Variants in LSM8 observed in about 807,000 individuals in gnomAD.
LSM8 encodes the protein LSM8 U6 small nuclear RNA associated.
In LSM8, 14 loss-of-function variants were observed where a neutral mutation model predicts 15.0. The ratio of observed to expected loss-of-function variants is 0.93; its 90% confidence interval spans 0.62 to 1.46. The LOEUF is 1.46. Ranked by LOEUF, LSM8 falls within the 40% of genes most tolerant of loss-of-function variation. The pLI is 0.00. For synonymous variants in LSM8, 50 were observed against 42.1 expected, an observed-to-expected ratio of 1.19 and a Z score of -0.73; for missense variants, 90 against 115.4, an observed-to-expected ratio of 0.78 and a Z score of 1.01.
chr7:118,196,013 G>T lies in LSM8; in HGVS notation c.*4011G>T, dbSNP rs1402747584. ...GCTTTGATGTGATCTTCATTCCTCT[G>T]TATAGTGGGAAACCATGAGACGTGC... On this transcript the variant is annotated 3_prime_UTR_variant, in exon 4 of 4. Coordinates refer to ENST00000249299, the MANE Select transcript of LSM8 (RefSeq NM_016200.5). 6.6e-6 allele frequency among the ~76,000 whole-genome samples: 1 copy of T among 152,152 alleles called. No homozygotes were observed. Among genetic ancestry groups the T allele is most frequent in the East Asian group, 1.9e-4 (1 of 5,202 alleles).
Position 118,192,731 on chromosome 7 carries a change from TGTA to T in LSM8, c.*732_*734del, listed in dbSNP as rs1301983381. 6.6e-6 allele frequency: 1 copy of T among 152,182 alleles called. No individual in the cohort carries two copies. Among genetic ancestry groups the T allele is most frequent in the Non-Finnish European group, 1.5e-5 (1 of 67,996 alleles). 9.4% of individuals were successfully genotyped at this position (152,182 alleles called of 1,614,324 possible). A position where few individuals can be genotyped will look rare whatever the true frequency, so the allele number is the denominator to read the frequency against. On this transcript the variant is annotated 3_prime_UTR_variant, in exon 4 of 4. Coordinates refer to ENST00000249299, the MANE Select transcript of LSM8 (RefSeq NM_016200.5). ...GTATATTTGAAAAAAATTGATTCCA[TGTA>T]GTCTTCAATTTTTAATTTTTAAGAA...
In LSM8 at chr7:118,198,000, A is replaced by G. The variant is rs1247232445; in HGVS notation, c.*5998A>G. On this transcript the variant is annotated 3_prime_UTR_variant, in exon 4 of 4. Coordinates refer to ENST00000249299, the MANE Select transcript of LSM8 (RefSeq NM_016200.5). ...AAATTATTTATTGTGGCCTAGGAAA[A>G]GTACTAAGAAGTAATTGATAGCATT... Among the ~76,000 whole-genome samples the G allele has an allele frequency of 6.6e-6, 1 of 152,188 alleles. No individual in the cohort carries two copies. The highest frequency in any genetic ancestry group is 6.5e-5 in the Admixed American group (1 of 15,270).
At position 118,201,318 on chromosome 7, in the gene LSM8, T is replaced by C. The variant is rs1297755159; in HGVS notation, c.*9316T>C. 2.0e-5 allele frequency among the ~76,000 whole-genome samples: 3 copies of C among 151,980 alleles called. No homozygotes were observed. Among genetic ancestry groups the C allele is most frequent in the Non-Finnish European group, 4.4e-5 (3 of 67,970 alleles). On this transcript the variant is annotated 3_prime_UTR_variant, in exon 4 of 4. Transcript: ENST00000249299. Reference sequence around the variant, plus strand: ...GAGCCTGGAGCTGCCATGGAGCATGTAGAGAGAGTCTCCTAGTTGATACCA... The same window carrying C: ...GAGCCTGGAGCTGCCATGGAGCATGCAGAGAGAGTCTCCTAGTTGATACCA...
In LSM8 at chr7:118,188,367, A is replaced by G; in HGVS notation, c.162A>G (p.Gln54=). 1 of 1,613,298 alleles carries G rather than the reference A, an allele frequency of 6.2e-7. No individual in the cohort carries two copies. Among genetic ancestry groups the G allele is most frequent in the East Asian group, 2.2e-5 (1 of 44,848 alleles). Residue 54 remains glutamine (Q), a synonymous_variant, in exon 3 of 4, where the codon CAA becomes CAG. Coordinates refer to ENST00000249299, the MANE Select transcript of LSM8 (RefSeq NM_016200.5). The part of the protein sequence containing the change: ...RVFSSSQGVE[Q]VVLGLYIVRG... ...TCAGCTCTTCACAGGGGGTAGAACA[A>G]GTGGTACTAGGATTATACATTGTAA...
chr7:118,184,352 C>T (rs1384657576), intron 1 of LSM8, 98 bp downstream of exon 1: 2 of 1,337,360 alleles, frequency 1.5e-6, no homozygotes, highest in African/African-American at 3.1e-5. Flanking sequence ...TCGGCGGGAT[C>T]CTGGGGGCGG....
rs1156667832 is a variant in LSM8 at position 118,193,989 on chromosome 7, A to G, written c.*1987A>G. On this transcript the variant is annotated 3_prime_UTR_variant, in exon 4 of 4. Transcript: ENST00000249299. ...AATGTGAATTATTGTTTTTATGAATAGTTACAGAGGATGTGATGACAATAT... is the reference window on the plus strand; with the variant it reads ...AATGTGAATTATTGTTTTTATGAATGGTTACAGAGGATGTGATGACAATAT... Among the ~76,000 whole-genome samples the G allele has an allele frequency of 1.3e-5, 2 of 152,158 alleles. No individual in the cohort carries two copies. Among genetic ancestry groups the G allele is most frequent in the Non-Finnish European group, 2.9e-5 (2 of 67,982 alleles).
At position 118,199,058 on chromosome 7, in the gene LSM8, T is replaced by C. The variant is rs1809126762; in HGVS notation, c.*7056T>C. Reference sequence around the variant, plus strand: ...CTAGGTGCTGTCTGTGCAGCTCCACTGGGAGAGGACATCTTGAAGTTTGTG... The same window carrying C: ...CTAGGTGCTGTCTGTGCAGCTCCACCGGGAGAGGACATCTTGAAGTTTGTG... On this transcript the variant is annotated 3_prime_UTR_variant, in exon 4 of 4. Coordinates refer to ENST00000249299, the MANE Select transcript of LSM8 (RefSeq NM_016200.5). 6.6e-6 allele frequency among the ~76,000 whole-genome samples: 1 copy of C among 152,190 alleles called. No individual in the cohort carries two copies.
At chr7:118,186,883 A>AT (rs143252969) in intron 2 of LSM8, among the ~76,000 whole-genome samples, 10,357 of 151,444 alleles carry the variant, frequency 0.068, 380 homozygotes, top group East Asian at 0.11. Flanking sequence ...AGATATTTGC[A>AT]TTTTTTTTTA....
At position 118,198,897 on chromosome 7, in the gene LSM8, G is replaced by A. The variant is rs1809124017; in HGVS notation, c.*6895G>A. 6.6e-6 allele frequency among the ~76,000 whole-genome samples: 1 copy of A among 152,180 alleles called. No individual in the cohort carries two copies. On this transcript the variant is annotated 3_prime_UTR_variant, in exon 4 of 4. Coordinates refer to ENST00000249299, the MANE Select transcript of LSM8 (RefSeq NM_016200.5). ...TGTTACAGTTTAAGCTCTGGGAAACGAGATTCAGGAGCTAAGGTCAGTTAT... is the reference window on the plus strand; with the variant it reads ...TGTTACAGTTTAAGCTCTGGGAAACAAGATTCAGGAGCTAAGGTCAGTTAT...
chr7:118,187,768 T>C (rs1378470498), intron 2 of LSM8, among the ~76,000 whole-genome samples: 2 of 152,250 alleles, frequency 1.3e-5, no homozygotes, highest in East Asian at 3.8e-4. Context: ...GAAATGGGGC[T>C]AATTATAGTA....
chr7:118,189,370 T>C (rs776656504), intron 3 of LSM8: 5 of 151,920 alleles, frequency 3.3e-5, no homozygotes, highest in Non-Finnish European at 5.9e-5. Flanking sequence ...TTGGCCAATG[T>C]GGTGAAACCG....
chr7:118,190,012 A>G (rs1808952625), intron 3 of LSM8: 1 of 152,242 alleles, frequency 6.6e-6, no homozygotes, highest in African/African-American at 2.4e-5. Flanking sequence ...TGAGTACTAC[A>G]CTGAATCAAA....
rs921527152 is a variant in LSM8, at chr7:118,192,708, A to G, written c.*706A>G. On this transcript the variant is annotated 3_prime_UTR_variant, in exon 4 of 4. Coordinates refer to ENST00000249299, the MANE Select transcript of LSM8 (RefSeq NM_016200.5). The stretch of plus-strand genomic sequence containing the variant: ...ATTAATGTTGAATTTTACAGACAGT[A>G]TATTTGAAAAAAATTGATTCCATGT... The G allele has an allele frequency of 7.9e-5, 12 of 152,146 alleles. No homozygotes were observed. The highest frequency in any genetic ancestry group is 2.4e-4 in the African/African-American group (10 of 41,452). 9.4% of individuals were successfully genotyped at this position (152,146 alleles called of 1,614,324 possible). A position where few individuals can be genotyped will look rare whatever the true frequency, so the allele number is the denominator to read the frequency against.
Position 118,197,186 on chromosome 7 carries a change from A to T in LSM8, c.*5184A>T, listed in dbSNP as rs1372706249. Reference sequence around the variant, plus strand: ...TCAATTACACTGCATATATTTTGCTATTATGTAGGTTTTTTTTTTTTTTCC... The same window carrying T: ...TCAATTACACTGCATATATTTTGCTTTTATGTAGGTTTTTTTTTTTTTTCC... On this transcript the variant is annotated 3_prime_UTR_variant, in exon 4 of 4. Coordinates refer to ENST00000249299, the MANE Select transcript of LSM8 (RefSeq NM_016200.5). Among the ~76,000 whole-genome samples, 7 of 117,722 alleles carry T rather than the reference A, an allele frequency of 5.9e-5. No individual in the cohort carries two copies. The highest frequency in any genetic ancestry group is 3.4e-4 in the South Asian group (1 of 2,954). The allele number at this position is 117,722 out of a possible 152,430, so 77.2% of individuals were successfully genotyped here.
rs938117777 is a variant in LSM8, at chr7:118,202,450, A to G, written c.*10448A>G. Among the ~76,000 whole-genome samples, 1 of 152,058 alleles carries G rather than the reference A, an allele frequency of 6.6e-6. No homozygotes were observed. The highest frequency in any genetic ancestry group is 2.4e-5 in the African/African-American group (1 of 41,438). On this transcript the variant is annotated 3_prime_UTR_variant, in exon 4 of 4. Coordinates refer to ENST00000249299, the MANE Select transcript of LSM8 (RefSeq NM_016200.5). ...TTTCTCTTTGCCATCCTTTTGTTCT[A>G]ATAATTTGCCTGTCATCTCGTGACT... is the stretch of plus-strand genomic sequence containing the variant.
In LSM8 at chr7:118,195,371, T is replaced by C. The variant is rs1176322715; in HGVS notation, c.*3369T>C. Among the ~76,000 whole-genome samples the C allele has an allele frequency of 6.6e-6, 1 of 152,158 alleles. No individual in the cohort carries two copies. The highest frequency in any genetic ancestry group is 2.4e-5 in the African/African-American group (1 of 41,446). ...TAGCATTAGACTGCATTTTAAACATTTGGTATGATTTTGAGGACATAACCG... is the reference window on the plus strand; with the variant it reads ...TAGCATTAGACTGCATTTTAAACATCTGGTATGATTTTGAGGACATAACCG... On this transcript the variant is annotated 3_prime_UTR_variant, in exon 4 of 4. Coordinates refer to ENST00000249299, the MANE Select transcript of LSM8 (RefSeq NM_016200.5).
At position 118,203,755 on chromosome 7, in the gene LSM8, ATAAT is replaced by A. The variant is rs1054831158; in HGVS notation, c.*11755_*11758del. ...AACAGTTTAGTTGAGAAAATAAATC[ATAAT>A]TTGTGATTTCAAACATTTAATATGT... On this transcript the variant is annotated 3_prime_UTR_variant, in exon 4 of 4. Coordinates refer to ENST00000249299, the MANE Select transcript of LSM8 (RefSeq NM_016200.5). Among the ~76,000 whole-genome samples, 1 of 151,874 alleles carries A rather than the reference ATAAT, an allele frequency of 6.6e-6. No individual in the cohort carries two copies. The highest frequency in any genetic ancestry group is 2.4e-5 in the African/African-American group (1 of 41,426).
chr7:118,186,851 C>A (rs1482755511), intron 2 of LSM8, among the ~76,000 whole-genome samples: 1 of 152,286 alleles, frequency 6.6e-6, no homozygotes, highest in South Asian at 2.1e-4. Context: ...TTCAACACTT[C>A]AGGAAGCCTA....
At chr7:118,191,822 G>A (rs985202574) in intron 3 of LSM8, 90 bp from the exon 4 acceptor site, 1 of 932,752 alleles carries the variant, frequency 1.1e-6, no homozygotes, top group Non-Finnish European at 1.6e-6. Context: ...TGGAAGAATG[G>A]TACTCAGTGC....
Sources: allele counts gnomAD v4.1 joint callset (sites outside exome capture counted in the v4.1 genomes callset), GRCh38; gene constraint gnomAD v4.1.1; transcripts MANE v1.5; gene names NCBI Gene and HGNC (gene_info 2026-07-23, HGNC 2026-07-21).